The following SLC37A3 variants were observed in gnomAD, a reference collection of about 807,000 sequenced individuals.
The protein encoded by SLC37A3 is sugar phosphate exchanger 3.
A neutral mutation model predicts 67.1 loss-of-function variants in SLC37A3; 51 were observed. The ratio of observed to expected loss-of-function variants is 0.76; its 90% CI spans 0.61 to 0.96. SLC37A3 has a LOEUF of 0.96. SLC37A3 is among the 40% of genes least tolerant of loss of function. The pLI is 0.00. For synonymous variants in SLC37A3, 214 were observed against 231.4 expected, an observed-to-expected ratio of 0.92 and a Z score of 0.68; for missense variants, 508 against 603.0, an observed-to-expected ratio of 0.84 and a Z score of 1.65.
intron 5 of SLC37A3, among the ~76,000 whole-genome samples, chr7:140,363,564 CG>C (rs2117164406): frequency 7.8e-6 from 1 of 127,610 alleles, no homozygotes; most frequent in Admixed American, 8.1e-5. Context: ...TTCGGAAGGC[CG>C]CAGGGTCCTC....
At chr7:140,376,331 C>T (rs1798030474) in intron 3 of SLC37A3, among the ~76,000 whole-genome samples, 1 of 152,134 alleles carries the variant, frequency 6.6e-6, no homozygotes, top group Non-Finnish European at 1.5e-5. Flanking sequence ...CTATACTACT[C>T]GGTTAGAAAT....
chr7:140,336,137 C>T lies in SLC37A3; in HGVS notation c.1393-633G>A, dbSNP rs567701864. On this transcript the variant is annotated intron_variant, in intron 14 of 14. Coordinates refer to ENST00000326232, the MANE Select transcript of SLC37A3 (RefSeq NM_207113.3). ...TAGACCTGTCTTGAGCACTGTCCCA[C>T]AATAACGTGCCTGAGTATGTCACAG... 2.6e-4 allele frequency among the ~76,000 whole-genome samples: 39 copies of T among 152,342 alleles called. 1 individual carries two copies. In the South Asian group the frequency reaches 4.1e-3, roughly 16 times the overall value.
chr7:140,366,713 GC>G (rs1797615237), intron 4 of SLC37A3, among the ~76,000 whole-genome samples: 1 of 152,162 alleles, frequency 6.6e-6, no homozygotes, highest in African/African-American at 2.4e-5. Context: ...TCCAGCCAAA[GC>G]CCCGTGCCTC....
At chr7:140,344,640 C>G (rs1796484171) in intron 12 of SLC37A3, among the ~76,000 whole-genome samples, 2 of 152,184 alleles carry the variant, frequency 1.3e-5, no homozygotes, top group Admixed American at 1.3e-4. Context: ...CCTATATTAC[C>G]AGCTACTCAG....
chr7:140,377,952 G>A (rs1333605475), intron 3 of SLC37A3, among the ~76,000 whole-genome samples: 1 of 152,142 alleles, frequency 6.6e-6, no homozygotes, highest in South Asian at 2.1e-4. Flanking sequence ...CGCCAGGCCG[G>A]CCTCTTCCCT....
intron 13 of SLC37A3, 115 bp downstream of exon 13, chr7:140,343,297 G>A (rs1796429220): frequency 6.9e-7 from 1 of 1,449,544 alleles, no homozygotes; most frequent in Non-Finnish European, 9.5e-7. Context: ...TTGGGCTCTG[G>A]GAACAGCGTT....
chr7:140,375,272 C>G (rs1797989438), intron 3 of SLC37A3, among the ~76,000 whole-genome samples: 1 of 150,646 alleles, frequency 6.6e-6, no homozygotes, highest in Admixed American at 6.6e-5. Context: ...AGTTCAAGTT[C>G]GAGACCAGCC....
chr7:140,345,331 T>C (rs1796513061), intron 11 of SLC37A3, 68 bp from the exon 12 acceptor site: 3 of 1,214,124 alleles, frequency 2.5e-6, no homozygotes, highest in East Asian at 2.3e-5. Flanking sequence ...CTGCCAACCG[T>C]ACGCGAAGAT....
At position 140,365,423 on chromosome 7, in the gene SLC37A3, TAAAAA is replaced by T. The variant is rs571885025; in HGVS notation, c.292-937_292-933del. Among the ~76,000 whole-genome samples the T allele has an allele frequency of 5.6e-5, 8 of 143,832 alleles. No homozygotes were observed. In the South Asian group the frequency reaches 1.8e-3, roughly 32 times the overall value. The allele number at this position is 143,832 out of a possible 152,430, so 94.4% of individuals were successfully genotyped here. On this transcript the variant is annotated intron_variant, in intron 4 of 14. Coordinates refer to ENST00000326232, the MANE Select transcript of SLC37A3 (RefSeq NM_207113.3). The stretch of plus-strand genomic sequence containing the variant: ...GGCCAACATAGCAAGAACCCATCTC[TAAAAA>T]AAAAAAAATTGGCCGAGTGCAGTAG...
chr7:140,347,121 G>T (rs972003288), intron 10 of SLC37A3, among the ~76,000 whole-genome samples: 1 of 150,746 alleles, frequency 6.6e-6, no homozygotes, highest in African/African-American at 2.4e-5. Context: ...AAATTAGCTG[G>T]GTGTGGTGGT....
intron 1 of SLC37A3, among the ~76,000 whole-genome samples, chr7:140,395,074 A>T (rs898578130): frequency 2.0e-5 from 3 of 152,118 alleles, no homozygotes; most frequent in African/African-American, 7.2e-5. Context: ...CACACCCTTC[A>T]TGCATTAAAA....
chr7:140,373,274 G>A, intron 3 of SLC37A3, among the ~76,000 whole-genome samples: 1 of 151,350 alleles, frequency 6.6e-6, no homozygotes, highest in Non-Finnish European at 1.5e-5. Context: ...TTCATATTCT[G>A]TGTGAGTAAG....
intron 4 of SLC37A3, among the ~76,000 whole-genome samples, chr7:140,367,561 G>T (rs562989368): frequency 1.3e-5 from 2 of 152,278 alleles, no homozygotes; most frequent in Admixed American, 6.5e-5. Context: ...ATTAAAAGGC[G>T]TTTTTAATAA....
chr7:140,363,652 C>A (rs1797462645), intron 5 of SLC37A3, among the ~76,000 whole-genome samples: 1 of 128,510 alleles, frequency 7.8e-6, no homozygotes, highest in Non-Finnish European at 1.6e-5. Context: ...ATGACCCTGC[C>A]AAATCCCCCT....
At chr7:140,393,870 G>A (rs928179544) in intron 1 of SLC37A3, among the ~76,000 whole-genome samples, 5 of 152,084 alleles carry the variant, frequency 3.3e-5, no homozygotes, top group African/African-American at 9.7e-5. Context: ...CACTGAGAAC[G>A]ATCAATAAAG....
intron 12 of SLC37A3, among the ~76,000 whole-genome samples, chr7:140,344,391 G>A (rs905381568): frequency 1.1e-4 from 17 of 151,524 alleles, no homozygotes; most frequent in African/African-American, 4.1e-4. Flanking sequence ...TCGCACCACT[G>A]CACTCCCATC....
chr7:140,367,586 C>T (rs1027767867), intron 4 of SLC37A3, among the ~76,000 whole-genome samples: 5 of 152,096 alleles, frequency 3.3e-5, no homozygotes, highest in Non-Finnish European at 7.3e-5. Context: ...CACTTAAAGA[C>T]AGAAATAAGG....
intron 13 of SLC37A3, among the ~76,000 whole-genome samples, chr7:140,342,616 A>G (rs1796400879): frequency 6.6e-6 from 1 of 152,142 alleles, no homozygotes; most frequent in African/African-American, 2.4e-5. Flanking sequence ...ATCCTAGAAG[A>G]GGCATGACTC....
At chr7:140,390,493 C>T (rs1477829963) in intron 1 of SLC37A3, among the ~76,000 whole-genome samples, 1 of 152,092 alleles carries the variant, frequency 6.6e-6, no homozygotes, top group African/African-American at 2.4e-5. Flanking sequence ...CTCTTTGTTC[C>T]CCAAGGCCGT....
Sources: allele counts gnomAD v4.1 joint callset (sites outside exome capture counted in the v4.1 genomes callset), GRCh38; gene constraint gnomAD v4.1.1; transcripts MANE v1.5; gene names NCBI Gene and HGNC (gene_info 2026-07-23, HGNC 2026-07-21).